Variants in PRKN observed in about 807,000 individuals in gnomAD.
PRKN encodes parkin RBR E3 ubiquitin protein ligase, also known as E3 ubiquitin-protein ligase parkin.
PRKN carries 56 observed loss-of-function variants against 59.5 expected under a neutral mutation model. That is an observed-to-expected ratio of 0.94 (90% CI 0.76 to 1.18). The LOEUF (loss-of-function observed/expected upper bound fraction) is 1.18, where lower values mean the gene tolerates loss of function less well. PRKN is among the 50% of genes most tolerant of loss of function. The pLI is 0.00. For synonymous variants in PRKN, 250 were observed against 222.1 expected, an observed-to-expected ratio of 1.13 and a Z score of -1.12; for missense variants, 657 against 596.4, an observed-to-expected ratio of 1.10 and a Z score of -1.06.
At position 161,992,080 on chromosome 6, in the gene PRKN, C is replaced by G. The variant is rs779010128; in HGVS notation, c.619-18663G>C. Among the ~76,000 whole-genome samples the G allele has an allele frequency of 7.9e-5, 12 of 152,206 alleles. No individual in the cohort carries two copies. In the South Asian group the frequency reaches 8.3e-4, roughly 11 times the overall value. On this transcript the variant is annotated intron_variant, in intron 5 of 11. Coordinates refer to ENST00000366898, the MANE Select transcript of PRKN (RefSeq NM_004562.3). ...GAAGGCTGGGCACGGTAGCTCACGC[C>G]TGTAATCCCAGCACTTGGGAGGCCA...
At chr6:162,272,291 A>G (rs947776074) in intron 2 of PRKN, among the ~76,000 whole-genome samples, 1 of 152,188 alleles carries the variant, frequency 6.6e-6, no homozygotes, top group Non-Finnish European at 1.5e-5. Flanking sequence ...AGCTATGCCC[A>G]TTAAACCCAC....
chr6:161,667,477 C>T (rs1332628558), intron 7 of PRKN, among the ~76,000 whole-genome samples: 1 of 152,234 alleles, frequency 6.6e-6, no homozygotes, highest in Non-Finnish European at 1.5e-5. Flanking sequence ...GCTTTCTCCA[C>T]CCCTTCACGC....
chr6:162,409,533 A>G (rs1456258415), intron 2 of PRKN, among the ~76,000 whole-genome samples: 1 of 152,180 alleles, frequency 6.6e-6, no homozygotes, highest in African/African-American at 2.4e-5. Flanking sequence ...GTTGAACCAC[A>G]TGAAATTGCC....
chr6:162,569,562 G>A (rs541532672), intron 1 of PRKN: 78 of 718,868 alleles, frequency 1.1e-4, no homozygotes, highest in South Asian at 8.0e-4. Flanking sequence ...GCCTATGGGG[G>A]TCTCACAAGC....
At chr6:162,553,838 AAAAAAAAAAAG>A (rs1352539460) in intron 1 of PRKN, among the ~76,000 whole-genome samples, 1 of 19,428 alleles carries the variant, frequency 5.1e-5, no homozygotes, top group African/African-American at 2.2e-4. Context: ...AAAAAAAAAA[AAAAAAAAAAAG>A]GGTAAAAGTG....
intron 2 of PRKN, among the ~76,000 whole-genome samples, chr6:162,396,664 T>C (rs529920242): frequency 3.9e-5 from 6 of 152,310 alleles, no homozygotes; most frequent in South Asian, 2.1e-4. Context: ...ACTGGAACTA[T>C]TGGCACATTT....
chr6:162,593,637 T>C (rs1032024716), intron 1 of PRKN, among the ~76,000 whole-genome samples: 1 of 151,992 alleles, frequency 6.6e-6, no homozygotes, highest in Admixed American at 6.6e-5. Flanking sequence ...ATGAAGATAA[T>C]GAGGCTATGA....
At chr6:161,453,396 C>T (rs973259417) in intron 9 of PRKN, among the ~76,000 whole-genome samples, 2 of 151,672 alleles carry the variant, frequency 1.3e-5, no homozygotes, top group African/African-American at 4.8e-5. Context: ...TTTCTATCAC[C>T]TTGGCTTGTC....
intron 1 of PRKN, among the ~76,000 whole-genome samples, chr6:162,525,314 T>C (rs1315117786): frequency 6.6e-6 from 1 of 152,132 alleles, no homozygotes; most frequent in Non-Finnish European, 1.5e-5. Flanking sequence ...GTCCCCTGGG[T>C]TCAGCTCACT....
chr6:161,646,501 A>G (rs1783955403), intron 7 of PRKN, among the ~76,000 whole-genome samples: 1 of 118,514 alleles, frequency 8.4e-6, no homozygotes, highest in African/African-American at 3.1e-5. Context: ...GTGGTGGAGG[A>G]GGTGGCGTAT....
intron 1 of PRKN, among the ~76,000 whole-genome samples, chr6:162,547,058 G>A (rs1326191182): frequency 1.3e-5 from 2 of 152,102 alleles, no homozygotes; most frequent in Non-Finnish European, 2.9e-5. Context: ...TATGACAAAT[G>A]CCAAACATAT....
At chr6:162,003,953 G>A (rs55711245) in intron 5 of PRKN, among the ~76,000 whole-genome samples, 11,994 of 152,122 alleles carry the variant, frequency 0.079, 531 homozygotes, top group Middle Eastern at 0.1. Flanking sequence ...CAACTTCAAC[G>A]TATTCTCACT....
chr6:161,494,979 AT>A (rs1489000838), intron 9 of PRKN, among the ~76,000 whole-genome samples: 4 of 152,218 alleles, frequency 2.6e-5, no homozygotes, highest in Non-Finnish European at 5.9e-5. Flanking sequence ...GGTGCTATAC[AT>A]TGGAAATAAA....
chr6:162,355,224 T>C (rs1784800610), intron 2 of PRKN, among the ~76,000 whole-genome samples: 1 of 151,088 alleles, frequency 6.6e-6, no homozygotes, highest in African/African-American at 2.5e-5. Flanking sequence ...TTTGAAATTA[T>C]GTTCTAGGCT....
chr6:161,594,846 A>G (rs1019087093), intron 7 of PRKN, among the ~76,000 whole-genome samples: 4 of 152,222 alleles, frequency 2.6e-5, no homozygotes, highest in Middle Eastern at 3.2e-3. Context: ...TGAAACAAGA[A>G]AATAAGGAAA....
chr6:161,863,362 G>A (rs1793985874), intron 6 of PRKN, among the ~76,000 whole-genome samples: 1 of 151,376 alleles, frequency 6.6e-6, no homozygotes, highest in Admixed American at 6.6e-5. Context: ...GTGTTGTTGT[G>A]TATACGTTTT....
At chr6:161,778,301 C>T (rs556674889) in intron 7 of PRKN, among the ~76,000 whole-genome samples, 54 of 152,172 alleles carry the variant, frequency 3.5e-4, no homozygotes, top group Admixed American at 2.7e-3. Context: ...ATAAATCTAC[C>T]CCATTTGCAG....
chr6:161,748,856 G>T (rs1788550634), intron 7 of PRKN, among the ~76,000 whole-genome samples: 1 of 152,126 alleles, frequency 6.6e-6, no homozygotes, highest in Admixed American at 6.6e-5. Flanking sequence ...GAGCAAGAGG[G>T]GATAGCTGCT....
At chr6:161,874,804 G>T (rs368126104) in intron 6 of PRKN, among the ~76,000 whole-genome samples, 3 of 12,204 alleles carry the variant, frequency 2.5e-4, no homozygotes, top group African/African-American at 9.8e-4. Context: ...AAATGTATAA[G>T]ATATATAAAA....
Sources: allele counts gnomAD v4.1 joint callset (sites outside exome capture counted in the v4.1 genomes callset), GRCh38; gene constraint gnomAD v4.1.1; transcripts MANE v1.5; gene names NCBI Gene and HGNC (gene_info 2026-07-23, HGNC 2026-07-21).